The following GLIS3 variants were observed in gnomAD, a reference collection of about 807,000 sequenced individuals.
The protein encoded by GLIS3 is GLIS family zinc finger 3.
In GLIS3, 53 loss-of-function variants were observed where a neutral mutation model predicts 78.6. That is an observed-to-expected ratio of 0.67 (90% CI 0.54 to 0.85). The LOEUF is 0.85. Among genes scored for constraint, GLIS3 ranks in the 40% least tolerant of loss-of-function variants. The pLI is 0.00. For missense variants in GLIS3, 1,703 were observed against 1,231.1 expected (o/e 1.38, Z -5.74); for synonymous variants, 684 against 509.9 (o/e 1.34, Z -4.60).
At chr9:4,398,501 G>C in the GLIS3 span, among the ~76,000 whole-genome samples, 1 of 151,870 alleles carries the variant, frequency 6.6e-6, no homozygotes, top group Admixed American at 6.6e-5. Context: ...TTGCATTGAG[G>C]GGGTGGGGGC....
At chr9:4,311,538 C>A (rs1436910458) in intron 2 of GLIS3, among the ~76,000 whole-genome samples, 1 of 152,152 alleles carries the variant, frequency 6.6e-6, no homozygotes, top group East Asian at 1.9e-4. Context: ...AGTTTCCGAC[C>A]CCTGCAACTG....
chr9:4,422,455 C>G, the GLIS3 span, among the ~76,000 whole-genome samples: 1 of 152,152 alleles, frequency 6.6e-6, no homozygotes, highest in Non-Finnish European at 1.5e-5. Context: ...CATGGTTTCC[C>G]CAGGATTTGG....
chr9:4,088,385 T>C (rs147156975), intron 4 of GLIS3, among the ~76,000 whole-genome samples: 107 of 152,258 alleles, frequency 7.0e-4, no homozygotes, highest in African/African-American at 2.4e-3. Flanking sequence ...GAGAGAAAGG[T>C]TGGAAAAATA....
At chr9:4,189,389 G>A (rs202096465) in intron 2 of GLIS3, among the ~76,000 whole-genome samples, 1 of 152,102 alleles carries the variant, frequency 6.6e-6, no homozygotes, top group Non-Finnish European at 1.5e-5. Context: ...TCTTTTATAT[G>A]TGCTGAGGAG....
chr9:4,450,204 C>G, the GLIS3 span, among the ~76,000 whole-genome samples: 1 of 152,064 alleles, frequency 6.6e-6, no homozygotes, highest in Non-Finnish European at 1.5e-5. Flanking sequence ...GATGCATACA[C>G]AAACTTCAAT....
At chr9:4,064,007 C>CT (rs990899853) in intron 4 of GLIS3, among the ~76,000 whole-genome samples, 3 of 151,278 alleles carry the variant, frequency 2.0e-5, no homozygotes, top group Admixed American at 6.6e-5. Flanking sequence ...ATTTCAAAGA[C>CT]TTTTTTTTTC....
intron 2 of GLIS3, chr9:4,152,118 A>G (rs893449603): frequency 1.6e-5 from 16 of 983,006 alleles, no homozygotes; most frequent in Non-Finnish European, 1.9e-5. Context: ...TCAAACCTCT[A>G]TTAGTTGCCA....
upstream of GLIS3, among the ~76,000 whole-genome samples, chr9:4,303,268 G>GACAC (rs5896061): frequency 0.37 from 52,954 of 144,866 alleles, 10,247 homozygotes; most frequent in Admixed American, 0.47. Flanking sequence ...TTAAAACACA[G>GACAC]ACACACACAC....
chr9:3,922,766 C>A (rs966359828), intron 6 of GLIS3, among the ~76,000 whole-genome samples: 3 of 151,318 alleles, frequency 2.0e-5, no homozygotes, highest in African/African-American at 7.3e-5. Context: ...GAGAGAAAGC[C>A]AAAAAAATGG....
At chr9:4,056,024 G>A (rs1233427161) in intron 4 of GLIS3, among the ~76,000 whole-genome samples, 1 of 152,198 alleles carries the variant, frequency 6.6e-6, no homozygotes, top group Non-Finnish European at 1.5e-5. Context: ...GGATGATCAT[G>A]CGCAATTAAT....
chr9:4,374,470 A>C, the GLIS3 span, among the ~76,000 whole-genome samples: 6 of 152,262 alleles, frequency 3.9e-5, no homozygotes, highest in African/African-American at 1.4e-4. Flanking sequence ...ATTATTGGCC[A>C]GTCTCTAAAA....
chr9:3,856,638 A>C (rs1819812276), intron 8 of GLIS3, among the ~76,000 whole-genome samples: 1 of 152,220 alleles, frequency 6.6e-6, no homozygotes, highest in Non-Finnish European at 1.5e-5. Context: ...AGGTCCAAGA[A>C]GTGTTGTTAC....
chr9:4,102,865 C>T (rs75237962), intron 4 of GLIS3, among the ~76,000 whole-genome samples: 2,155 of 152,164 alleles, frequency 0.014, 27 homozygotes, highest in African/African-American at 0.018. Flanking sequence ...TTGCAACCTC[C>T]ATTTTCTTTT....
chr9:3,945,305 A>G (rs1023596500), intron 4 of GLIS3, among the ~76,000 whole-genome samples: 1 of 152,242 alleles, frequency 6.6e-6, no homozygotes, highest in South Asian at 2.1e-4. Context: ...AAGCGTACAA[A>G]TAAAAGCAGT....
At chr9:4,055,471 A>G (rs7863393) in intron 4 of GLIS3, among the ~76,000 whole-genome samples, 108,461 of 152,050 alleles carry the variant, frequency 0.71, 39,167 homozygotes, top group East Asian at 0.98. Context: ...GATCAACAGA[A>G]TAAGTTCTCA....
At chr9:4,450,495 C>A in the GLIS3 span, among the ~76,000 whole-genome samples, 2 of 151,958 alleles carry the variant, frequency 1.3e-5, no homozygotes, top group East Asian at 1.9e-4. Flanking sequence ...GAAATACAGA[C>A]AATGCCACAA....
chr9:3,956,922 T>TA (rs538906003), intron 4 of GLIS3, among the ~76,000 whole-genome samples: 208 of 152,332 alleles, frequency 1.4e-3, no homozygotes, highest in Admixed American at 2.2e-3. Context: ...AATCTACACT[T>TA]ACAGTCACAA....
intron 6 of GLIS3, among the ~76,000 whole-genome samples, chr9:3,919,568 C>G (rs1290646732): frequency 6.6e-6 from 1 of 151,230 alleles, no homozygotes; most frequent in East Asian, 1.9e-4. Flanking sequence ...ATAATCTGTA[C>G]AACAAACCCT....
intron 4 of GLIS3, chr9:4,071,280 A>T (rs183280594): frequency 5.9e-5 from 9 of 152,144 alleles, no homozygotes; most frequent in Non-Finnish European, 1.2e-4. Context: ...TAAAGAAATA[A>T]CTCATAAGTA....
Sources: gnomAD v4.1 joint callset for allele counts (sites outside exome capture counted in the v4.1 genomes callset) on GRCh38, gnomAD v4.1.1 for gene constraint, MANE v1.5 for transcripts, NCBI Gene and HGNC (gene_info 2026-07-23, HGNC 2026-07-21) for gene names.